Variants in PPP2R1A observed in about 807,000 individuals in gnomAD.
PPP2R1A encodes serine/threonine-protein phosphatase 2A 65 kDa regulatory subunit A alpha isoform.
A neutral mutation model predicts 67.1 loss-of-function variants in PPP2R1A; 15 were observed. The observed-to-expected ratio is 0.22, with a 90% CI of 0.15 to 0.34. PPP2R1A has a LOEUF of 0.34. Ranked by LOEUF, PPP2R1A falls within the 10% of genes least tolerant of loss-of-function variation. The pLI, the probability that PPP2R1A is intolerant of heterozygous loss-of-function variation, is 1.00. For missense variants in PPP2R1A, 369 were observed against 775.0 expected (o/e 0.48, Z 6.22); for synonymous variants, 337 against 325.0 (o/e 1.04, Z -0.40).
chr19:52,197,335 AC>A (rs745565098), intron 1 of PPP2R1A, among the ~76,000 whole-genome samples: 1 of 152,010 alleles, frequency 6.6e-6, no homozygotes, highest in Non-Finnish European at 1.5e-5. Context: ...TCATTATTAG[AC>A]CTGCTAAGGG....
rs755922427 is a variant in PPP2R1A at position 52,200,045 on chromosome 19, A to T, written c.79-1899A>T. Among the ~76,000 whole-genome samples, 70 of 152,310 alleles carry T rather than the reference A, an allele frequency of 4.6e-4. 1 individual carries two copies. Among genetic ancestry groups the T allele is most frequent in the Non-Finnish European group, 9.0e-4 (61 of 68,036 alleles). On this transcript the variant is annotated intron_variant, in intron 1 of 14. Transcript: ENST00000322088. ...TATTCTTCAACTCCTGGACCGGAGA[A>T]CCCAACTCACGCAAGATCTTAGTCA...
Position 52,219,792 on chromosome 19 carries a change from G to A in PPP2R1A, c.1230G>A (p.Glu410=), listed in dbSNP as rs1282129688. 1.2e-6 allele frequency: 2 copies of A among 1,613,892 alleles called. No homozygotes were observed. The highest frequency in any genetic ancestry group is 1.3e-5 in the African/African-American group (1 of 74,954). The change falls in exon 10 of 15, where the codon GAG becomes GAA. Residue 410 remains glutamate (E), a synonymous_variant. Transcript: ENST00000322088. The surrounding 1 kb of genome is among the most constrained non-coding windows in gnomAD (Gnocchi z 4.0). ...AGTCCCTGCTCCCTGCCATTGTGGA[G>A]CTGGCTGAGGACGCCAAGTGGCGGG... The part of the protein sequence containing the change: ...LSQSLLPAIV[E]LAEDAKWRVR...
At position 52,212,713 on chromosome 19, in the gene PPP2R1A, C is replaced by T. The variant is rs2122334554; in HGVS notation, c.531C>T (p.Asp177=). Residue 177 remains aspartate, a synonymous_variant, in exon 5 of 15, where the codon GAC becomes GAT. Coordinates refer to ENST00000322088, the MANE Select transcript of PPP2R1A (RefSeq NM_014225.6). The surrounding 1 kb of genome is among the most constrained non-coding windows in gnomAD (Gnocchi z 4.1). ...ACTTCCGGAACCTGTGCTCAGATGACACCCCCATGGTGCGGCGGGCCGCAG... is the reference window on the plus strand; with the variant it reads ...ACTTCCGGAACCTGTGCTCAGATGATACCCCCATGGTGCGGCGGGCCGCAG... ...RQYFRNLCSD[D]TPMVRRAAAS... The T allele has an allele frequency of 6.2e-7, 1 of 1,614,012 alleles. No individual in the cohort carries two copies. The highest frequency in any genetic ancestry group is 1.1e-5 in the South Asian group (1 of 91,078).
Position 52,228,535 on chromosome 19 carries a change from A to G in PPP2R1A, c.*2554A>G, listed in dbSNP as rs936908125. ...AAGTCCATTGTTAGGAGTGGTTCCT[A>G]ATCTCCCAGGCTGCAGGCTTTGTTT... On this transcript the variant is annotated 3_prime_UTR_variant, in exon 15 of 15. Transcript: ENST00000322088. 1.3e-5 allele frequency: 2 copies of G among 152,206 alleles called. No individual in the cohort carries two copies. Among genetic ancestry groups the G allele is most frequent in the Non-Finnish European group, 2.9e-5 (2 of 68,050 alleles). The allele number at this position is 152,206 out of a possible 1,614,324, so 9.4% of individuals were successfully genotyped here.
chr19:52,209,813 A>G (rs1030633968), intron 3 of PPP2R1A, among the ~76,000 whole-genome samples: 2 of 152,346 alleles, frequency 1.3e-5, no homozygotes, highest in African/African-American at 4.8e-5. Flanking sequence ...AGGTTCATCC[A>G]TGTTGTAGCA....
At chr19:52,218,118 T>C (rs892970379) in intron 9 of PPP2R1A, among the ~76,000 whole-genome samples, 3 of 152,174 alleles carry the variant, frequency 2.0e-5, no homozygotes, top group Non-Finnish European at 2.9e-5. Flanking sequence ...TTTGCCTTGG[T>C]GGTGAAAAAC....
At chr19:52,204,756 G>A (rs1361184557) in intron 2 of PPP2R1A, among the ~76,000 whole-genome samples, 2 of 152,200 alleles carry the variant, frequency 1.3e-5, no homozygotes, top group Admixed American at 6.5e-5. Context: ...TCACATTGGC[G>A]AGAATTTATT....
At position 52,219,815 on chromosome 19, in the gene PPP2R1A, G is replaced by A. The variant is rs1486388431; in HGVS notation, c.1253G>A (p.Arg418Gln). Residue 418 changes from arginine to glutamine, a missense_variant, in exon 10 of 15, where the codon CGG becomes CAG. By Grantham distance (43) the Arg-to-Gln change is conservative (BLOSUM62 1). Transcript: ENST00000322088. This position sits in a 1 kb window ranked among gnomAD's most constrained non-coding sequence, Gnocchi z 4.0. ...IVELAEDAKW[R>Q]VRLAIIEYMP... ...GAGCTGGCTGAGGACGCCAAGTGGCGGGTGCGGCTGGCCATCATTGAGTAC... is the reference window on the plus strand; with the variant it reads ...GAGCTGGCTGAGGACGCCAAGTGGCAGGTGCGGCTGGCCATCATTGAGTAC... The A allele has an allele frequency of 6.2e-7, 1 of 1,613,134 alleles. No individual in the cohort carries two copies. The highest frequency in any genetic ancestry group is 8.5e-7 in the Non-Finnish European group (1 of 1,179,994).
In PPP2R1A at chr19:52,219,006, C is replaced by A. The variant is rs933065845; in HGVS notation, c.1129-685C>A. 6.6e-6 allele frequency among the ~76,000 whole-genome samples: 1 copy of A among 152,134 alleles called. No homozygotes were observed. The highest frequency in any genetic ancestry group is 1.5e-5 in the Non-Finnish European group (1 of 68,038). ...TTATATTTTACATTTTGACTCTCACCAGAATTTATAAACTTGTCTAAATGA... is the reference window on the plus strand; with the variant it reads ...TTATATTTTACATTTTGACTCTCACAAGAATTTATAAACTTGTCTAAATGA... On this transcript the variant is annotated intron_variant, in intron 9 of 14. Coordinates refer to ENST00000322088, the MANE Select transcript of PPP2R1A (RefSeq NM_014225.6). This position sits in a 1 kb window ranked among gnomAD's most constrained non-coding sequence, Gnocchi z 4.0.
chr19:52,223,814 G>T (rs1229519102), intron 13 of PPP2R1A, among the ~76,000 whole-genome samples: 3 of 152,146 alleles, frequency 2.0e-5, no homozygotes, highest in Admixed American at 6.5e-5. Context: ...ATCTGGAGTG[G>T]AATTTGGTGA....
At chr19:52,202,490 A>G (rs1367703956) in intron 2 of PPP2R1A, among the ~76,000 whole-genome samples, 1 of 152,228 alleles carries the variant, frequency 6.6e-6, no homozygotes, top group East Asian at 1.9e-4. Flanking sequence ...GTGTTTAGAA[A>G]GCTGCCTGTA....
rs553310257 is a variant in PPP2R1A at position 52,194,306 on chromosome 19, G to A, written c.78+4132G>A. On this transcript the variant is annotated intron_variant, in intron 1 of 14. Transcript: ENST00000322088. ...CCAGGAGTGGGAGGATGCTTGATGCGTTCAAAGCACAGCAAAAAGGCCAGT... is the reference window on the plus strand; with the variant it reads ...CCAGGAGTGGGAGGATGCTTGATGCATTCAAAGCACAGCAAAAAGGCCAGT... Among the ~76,000 whole-genome samples, 16 of 152,116 alleles carry A rather than the reference G, an allele frequency of 1.1e-4. No homozygotes were observed. The East Asian group carries it at 1.6e-3, about 15-fold the overall frequency.
chr19:52,219,587 C>A lies in PPP2R1A; in HGVS notation c.1129-104C>A. ...AGCTGGGCTTGGACAGGAGTAGTCC[C>A]TCGGGAGATGTCCATAAAAGTTGAT... On this transcript the variant is annotated intron_variant, in intron 9 of 14. Transcript: ENST00000322088. The surrounding 1 kb of genome is among the most constrained non-coding windows in gnomAD (Gnocchi z 4.0). The A allele has an allele frequency of 8.0e-7, 1 of 1,247,784 alleles. No homozygotes were observed. The highest frequency in any genetic ancestry group is 1.1e-6 in the Non-Finnish European group (1 of 901,434). The allele number at this position is 1,247,784 out of a possible 1,614,324, so 77.3% of individuals were successfully genotyped here. A position where few individuals can be genotyped will look rare whatever the true frequency, so the allele number is the denominator to read the frequency against.
chr19:52,223,350 G>T (rs1979059940), intron 13 of PPP2R1A, among the ~76,000 whole-genome samples: 2 of 152,226 alleles, frequency 1.3e-5, no homozygotes. Flanking sequence ...CGTAGGCACA[G>T]ATTTGTTAAA....
intron 1 of PPP2R1A, among the ~76,000 whole-genome samples, chr19:52,197,968 A>G (rs1336002155): frequency 6.6e-6 from 1 of 152,232 alleles, no homozygotes; most frequent in Non-Finnish European, 1.5e-5. Flanking sequence ...AAGAAACATC[A>G]GTGGACCAGC....
At chr19:52,210,014 C>T (rs2089649296) in intron 3 of PPP2R1A, among the ~76,000 whole-genome samples, 1 of 152,218 alleles carries the variant, frequency 6.6e-6, no homozygotes, top group South Asian at 2.1e-4. Flanking sequence ...ATTCATGCCT[C>T]CTGCCACCCC....
chr19:52,200,099 G>A (rs1366244), intron 1 of PPP2R1A, among the ~76,000 whole-genome samples: 2,172 of 152,212 alleles, frequency 0.014, 53 homozygotes, highest in African/African-American at 0.05. Flanking sequence ...GTTATGTAGG[G>A]CCTCAGAACA....
intron 1 of PPP2R1A, among the ~76,000 whole-genome samples, chr19:52,194,104 AAAAAAAAAG>A (rs1415309757): frequency 2.4e-4 from 37 of 151,330 alleles, no homozygotes; most frequent in African/African-American, 9.0e-4. Context: ...AAAAAAAAAA[AAAAAAAAAG>A]AACAAAATAA....
intron 3 of PPP2R1A, among the ~76,000 whole-genome samples, chr19:52,210,638 C>G (rs528029905): frequency 6.6e-6 from 1 of 151,796 alleles, no homozygotes; most frequent in Non-Finnish European, 1.5e-5. Flanking sequence ...ATTACAGGTG[C>G]GCACCACCAC....
Sources: gnomAD v4.1 joint callset for allele counts (sites outside exome capture counted in the v4.1 genomes callset) on GRCh38, gnomAD v4.1.1 for gene constraint, Gnocchi (gnomAD v3.1) non-coding constraint, MANE v1.5 for transcripts, NCBI Gene and HGNC (gene_info 2026-07-23, HGNC 2026-07-21) for gene names.